LRP1B: variants seen among roughly 807,000 people sequenced by gnomAD.
The protein encoded by LRP1B is low-density lipoprotein receptor-related protein 1B.
LRP1B carries 217 observed loss-of-function variants against 556.6 expected under a neutral mutation model. The ratio of observed to expected loss-of-function variants is 0.39; its 90% confidence interval spans 0.35 to 0.44. LRP1B has a LOEUF of 0.44. LRP1B is among the 20% of genes least tolerant of loss of function. The pLI is 1.00. For missense variants in LRP1B, 5,053 were observed against 5,620.8 expected, an observed-to-expected ratio of 0.90 and a Z score of 3.23; for synonymous variants, 2,047 against 1,865.8, an observed-to-expected ratio of 1.10 and a Z score of -2.50.
At chr2:142,046,236 A>G (rs1704255239) in intron 1 of LRP1B, among the ~76,000 whole-genome samples, 1 of 151,928 alleles carries the variant, frequency 6.6e-6, no homozygotes, top group South Asian at 2.1e-4. Flanking sequence ...AGACAGTCAA[A>G]TTAAGTATAG....
At chr2:140,367,414 A>C (rs549584565) in intron 71 of LRP1B, among the ~76,000 whole-genome samples, 81 of 151,884 alleles carry the variant, frequency 5.3e-4, no homozygotes, top group African/African-American at 1.9e-3. Flanking sequence ...CCAAACTAAG[A>C]AACAGACAAA....
At chr2:141,228,186 G>A (rs1683317472) in intron 6 of LRP1B, among the ~76,000 whole-genome samples, 2 of 152,084 alleles carry the variant, frequency 1.3e-5, no homozygotes, top group African/African-American at 2.4e-5. Flanking sequence ...CAAAGTGCTG[G>A]GAGCCACCGC....
At chr2:141,662,523 C>T (rs538172597) in intron 2 of LRP1B, among the ~76,000 whole-genome samples, 19 of 151,964 alleles carry the variant, frequency 1.3e-4, no homozygotes, top group African/African-American at 3.6e-4. Flanking sequence ...AAAGCACAAG[C>T]TGCAATCCTA....
chr2:141,642,880 A>T (rs1174647113), intron 2 of LRP1B, among the ~76,000 whole-genome samples: 2 of 152,132 alleles, frequency 1.3e-5, no homozygotes, highest in African/African-American at 4.8e-5. Flanking sequence ...AACTGAGTCA[A>T]CTCTGGTTTA....
intron 43 of LRP1B, among the ~76,000 whole-genome samples, chr2:140,548,009 G>A (rs1680410923): frequency 1.3e-5 from 2 of 150,272 alleles, no homozygotes; most frequent in South Asian, 4.2e-4. Flanking sequence ...CAAAGGAATG[G>A]TAATCAAGAA....
Position 141,559,202 on chromosome 2 carries a change from AT to A in LRP1B, c.206-78670del, listed in dbSNP as rs1386616467. The stretch of plus-strand genomic sequence containing the variant: ...GTTTCTTTCATTTCTTAAATTTAAA[AT>A]TTTTTACTTGTTTTAGGAATGGTGA... On this transcript the variant is annotated intron_variant, in intron 2 of 90. Transcript: ENST00000389484. 3.3e-5 allele frequency among the ~76,000 whole-genome samples: 5 copies of A among 151,662 alleles called. No homozygotes were observed. The East Asian group carries it at 7.7e-4, about 23-fold the overall frequency.
intron 2 of LRP1B, among the ~76,000 whole-genome samples, chr2:141,784,861 A>T (rs936299657): frequency 6.6e-6 from 1 of 151,952 alleles, no homozygotes; most frequent in Admixed American, 6.6e-5. Context: ...ATTCTTGCCC[A>T]ATTTCTTTTA....
rs575628384 is a variant in LRP1B, at chr2:141,001,419, C to T, written c.2503+3916G>A. Among the ~76,000 whole-genome samples, 12 of 152,098 alleles carry T rather than the reference C, an allele frequency of 7.9e-5. No individual in the cohort carries two copies. In the South Asian group the frequency reaches 8.3e-4, roughly 11 times the overall value. On this transcript the variant is annotated intron_variant, in intron 15 of 90. Coordinates refer to ENST00000389484, the MANE Select transcript of LRP1B (RefSeq NM_018557.3). ...AAGTGCCATGTTGCTGTGCTGCACCCGTTAACTTGTTATTTACATTAGGTA... is the reference window on the plus strand; with the variant it reads ...AAGTGCCATGTTGCTGTGCTGCACCTGTTAACTTGTTATTTACATTAGGTA...
At position 142,123,926 on chromosome 2, in the gene LRP1B, C is replaced by T. The variant is rs113439961; in HGVS notation, c.82+6722G>A. On this transcript the variant is annotated intron_variant, in intron 1 of 90. Transcript: ENST00000389484. ...TAAAGGTAAAGACACCTTTGAAAAG[C>T]GTTACGTATTTACAACTATTCTGCA... Among the ~76,000 whole-genome samples, 485 of 151,964 alleles carry T rather than the reference C, an allele frequency of 3.2e-3. 1 individual carries two copies. The highest frequency in any genetic ancestry group is 0.01 in the African/African-American group (435 of 41,518).
intron 66 of LRP1B, among the ~76,000 whole-genome samples, chr2:140,439,973 C>T (rs1234909964): frequency 6.6e-6 from 1 of 151,964 alleles, no homozygotes; most frequent in Non-Finnish European, 1.5e-5. Context: ...TTTCATAGTG[C>T]TTCTCTCTCT....
intron 3 of LRP1B, among the ~76,000 whole-genome samples, chr2:141,362,882 T>C (rs1408085870): frequency 6.6e-6 from 1 of 152,162 alleles, no homozygotes. Flanking sequence ...ATGGAATAGT[T>C]CATTCATTCA....
At chr2:141,977,868 A>C (rs1304583617) in intron 1 of LRP1B, among the ~76,000 whole-genome samples, 1 of 152,196 alleles carries the variant, frequency 6.6e-6, no homozygotes, top group African/African-American at 2.4e-5. Context: ...TCTGTGGTTC[A>C]TACAAGCCTA....
chr2:140,891,466 C>T (rs1476062264), intron 23 of LRP1B, among the ~76,000 whole-genome samples: 1 of 152,102 alleles, frequency 6.6e-6, no homozygotes, highest in Non-Finnish European at 1.5e-5. Flanking sequence ...AGTGATATTA[C>T]TGTTACAATG....
intron 3 of LRP1B, among the ~76,000 whole-genome samples, chr2:141,418,149 TA>T (rs1679984774): frequency 1.3e-5 from 2 of 152,186 alleles, no homozygotes; most frequent in Admixed American, 6.5e-5. Context: ...ATTAACCCTT[TA>T]TCAGATATAT....
rs2105461438 is a variant in LRP1B, at chr2:140,716,010, C to T, written c.5986G>A (p.Asp1996Asn). The change falls in exon 37 of 91, where the codon GAT (aspartate) becomes AAT (asparagine). Residue 1996 changes from aspartate to asparagine, a missense_variant. Physicochemically the swap from Asp to Asn is conservative, Grantham distance 23 (BLOSUM62 1). Around this residue, in one of 5 missense-constraint regions of LRP1B, gnomAD observed 3,619 missense variants for 3,931.9 expected, o/e 0.92. Transcript: ENST00000389484. ...FRYVIISQGL[D>N]QPRSIAVHPE... The stretch of plus-strand genomic sequence containing the variant: ...TGCACAGCTATAGATCTTGGTTGAT[C>T]CAGGCCTTGGGAAATAATTACATAA... 1 of 1,610,384 alleles carries T rather than the reference C, an allele frequency of 6.2e-7. No homozygotes were observed. The highest frequency in any genetic ancestry group is 1.1e-5 in the South Asian group (1 of 90,786).
At chr2:141,844,590 A>T (rs1697581936) in intron 1 of LRP1B, among the ~76,000 whole-genome samples, 3 of 152,102 alleles carry the variant, frequency 2.0e-5, no homozygotes, top group Admixed American at 2.0e-4. Context: ...AAACTTGTTT[A>T]TGTCTAGCTT....
chr2:142,094,526 T>C (rs754495260), intron 1 of LRP1B, among the ~76,000 whole-genome samples: 1 of 152,002 alleles, frequency 6.6e-6, no homozygotes, highest in African/African-American at 2.4e-5. Context: ...GCAAAAAGAA[T>C]CAGTTCTATA....
intron 34 of LRP1B, 71 bp from the exon 35 acceptor site, chr2:140,769,415 A>C: frequency 7.2e-7 from 1 of 1,391,660 alleles, no homozygotes; most frequent in South Asian, 1.4e-5. Flanking sequence ...AAATAATTTC[A>C]TTTGTATTAT....
intron 35 of LRP1B, among the ~76,000 whole-genome samples, chr2:140,719,356 T>C (rs1687321777): frequency 6.6e-6 from 1 of 151,822 alleles, no homozygotes; most frequent in Non-Finnish European, 1.5e-5. Flanking sequence ...ATGTAAGCCA[T>C]ACAGGCAAGT....
Sources: allele counts gnomAD v4.1 joint callset (sites outside exome capture counted in the v4.1 genomes callset), GRCh38; gene constraint gnomAD v4.1.1; regional missense constraint gnomAD v4.1.1; transcripts MANE v1.5; gene names NCBI Gene and HGNC (gene_info 2026-07-23, HGNC 2026-07-21).